The following SGCZ variants were observed in gnomAD, a reference collection of about 807,000 sequenced individuals.
The protein encoded by SGCZ is sarcoglycan zeta, also known as zeta-sarcoglycan.
SGCZ carries 40 observed loss-of-function variants against 41.3 expected under a neutral mutation model. The observed-to-expected ratio is 0.97, with a 90% CI of 0.75 to 1.26. The LOEUF (loss-of-function observed/expected upper bound fraction) is 1.26, where lower values mean the gene tolerates loss of function less well. SGCZ is among the 50% of genes most tolerant of loss of function. The pLI, the probability that SGCZ is intolerant of heterozygous loss-of-function variation, is 0.00. For synonymous variants in SGCZ, 206 were observed against 137.5 expected (o/e 1.50, Z -3.49); for missense variants, 552 against 369.8 (o/e 1.49, Z -4.04).
chr8:14,899,698 G>A (rs1415654960), intron 1 of SGCZ, among the ~76,000 whole-genome samples: 1 of 152,096 alleles, frequency 6.6e-6, no homozygotes, highest in Non-Finnish European at 1.5e-5. Context: ...GACCTCGGGA[G>A]GTTAAATGGG....
chr8:15,067,700 T>C (rs1393655442), intron 1 of SGCZ, among the ~76,000 whole-genome samples: 1 of 152,174 alleles, frequency 6.6e-6, no homozygotes, highest in Non-Finnish European at 1.5e-5. Flanking sequence ...TCTATCTACC[T>C]CAAAACTCAT....
chr8:15,019,605 G>A (rs904693869), intron 1 of SGCZ, among the ~76,000 whole-genome samples: 1 of 151,768 alleles, frequency 6.6e-6, no homozygotes, highest in Admixed American at 6.6e-5. Flanking sequence ...TACATTCTCA[G>A]CTCCTCTGAC....
At chr8:15,211,282 TA>T (rs5889575) in intron 1 of SGCZ, among the ~76,000 whole-genome samples, 65 of 147,548 alleles carry the variant, frequency 4.4e-4, no homozygotes, top group Non-Finnish European at 7.5e-4. Context: ...ACTGGTTGCC[TA>T]AAAAAAAAAA....
chr8:14,412,012 G>C (rs1799373598), intron 2 of SGCZ, among the ~76,000 whole-genome samples: 2 of 152,182 alleles, frequency 1.3e-5, no homozygotes, highest in South Asian at 2.1e-4. Flanking sequence ...GCAAGGGCGT[G>C]CATCTTCTTT....
chr8:14,532,092 G>T (rs567513957), intron 2 of SGCZ, among the ~76,000 whole-genome samples: 45 of 152,060 alleles, frequency 3.0e-4, no homozygotes, highest in Non-Finnish European at 5.7e-4. Context: ...AGTTGTTTTA[G>T]TTAAAGAACT....
At chr8:14,736,873 G>A (rs929159370) in intron 1 of SGCZ, among the ~76,000 whole-genome samples, 12 of 151,816 alleles carry the variant, frequency 7.9e-5, no homozygotes, top group African/African-American at 2.2e-4. Flanking sequence ...TCCCACTACC[G>A]GGTATCTACC....
intron 1 of SGCZ, among the ~76,000 whole-genome samples, chr8:14,894,249 G>A (rs1314946914): frequency 6.6e-6 from 1 of 151,658 alleles, no homozygotes; most frequent in Admixed American, 6.6e-5. Flanking sequence ...ACTGCTTTCC[G>A]AATTAAGTTA....
At chr8:14,827,875 A>G (rs1413071069) in intron 1 of SGCZ, among the ~76,000 whole-genome samples, 1 of 152,002 alleles carries the variant, frequency 6.6e-6, no homozygotes, top group African/African-American at 2.4e-5. Context: ...CACACATATC[A>G]CCCGGTGTAT....
At chr8:14,879,022 G>C (rs1300573278) in intron 1 of SGCZ, 3 of 152,128 alleles carry the variant, frequency 2.0e-5, no homozygotes, top group African/African-American at 7.2e-5. Context: ...ATGGCTCAAA[G>C]TCCTTTAAAA....
intron 3 of SGCZ, among the ~76,000 whole-genome samples, chr8:14,304,931 T>G (rs556486248): frequency 3.4e-4 from 52 of 152,268 alleles, no homozygotes; most frequent in African/African-American, 1.1e-3. Flanking sequence ...TTCAGAGGTG[T>G]GTAGACTTAG....
chr8:14,495,551 A>G (rs1238990782), intron 2 of SGCZ, among the ~76,000 whole-genome samples: 1 of 152,218 alleles, frequency 6.6e-6, no homozygotes, highest in Non-Finnish European at 1.5e-5. Context: ...ATAACTGTAT[A>G]TCAATAGTGT....
At chr8:15,174,666 G>A (rs941335941) in intron 1 of SGCZ, among the ~76,000 whole-genome samples, 9 of 152,106 alleles carry the variant, frequency 5.9e-5, no homozygotes, top group African/African-American at 2.2e-4. Context: ...AACATTAATA[G>A]TGTATAAACG....
chr8:14,475,716 T>G (rs1354097959), intron 2 of SGCZ, among the ~76,000 whole-genome samples: 1 of 152,180 alleles, frequency 6.6e-6, no homozygotes, highest in Non-Finnish European at 1.5e-5. Context: ...TCTGAAGCAA[T>G]TCCAAATTAA....
At chr8:14,511,353 T>A (rs544144262) in intron 2 of SGCZ, among the ~76,000 whole-genome samples, 21 of 152,072 alleles carry the variant, frequency 1.4e-4, no homozygotes, top group African/African-American at 4.8e-4. Flanking sequence ...CTTTTAATTA[T>A]ATTTTCCCAA....
intron 1 of SGCZ, among the ~76,000 whole-genome samples, chr8:15,187,755 T>A (rs898173282): frequency 6.6e-6 from 1 of 152,048 alleles, no homozygotes; most frequent in African/African-American, 2.4e-5. Flanking sequence ...TTTTAAAAAA[T>A]AAGCTCTTCG....
chr8:14,611,346 G>C (rs1452526383), intron 1 of SGCZ, among the ~76,000 whole-genome samples: 1 of 146,892 alleles, frequency 6.8e-6, no homozygotes, highest in East Asian at 2.0e-4. Flanking sequence ...GTGTGTGTGT[G>C]AATGTATGAA....
chr8:14,788,227 T>A (rs909565272), intron 1 of SGCZ, among the ~76,000 whole-genome samples: 22 of 152,136 alleles, frequency 1.4e-4, no homozygotes, highest in Admixed American at 1.3e-4. Flanking sequence ...ATAAAGCACA[T>A]AATGCAGTAA....
chr8:14,392,801 CTT>C (rs1169592995), intron 2 of SGCZ, among the ~76,000 whole-genome samples: 1 of 146,842 alleles, frequency 6.8e-6, no homozygotes, highest in Non-Finnish European at 1.5e-5. Context: ...ATATTTAAGA[CTT>C]TTAACTTGAA....
chr8:14,558,097 C>A (rs185323677), intron 1 of SGCZ, among the ~76,000 whole-genome samples: 85 of 152,168 alleles, frequency 5.6e-4, no homozygotes, highest in Non-Finnish European at 2.5e-4. Context: ...AAAGATACAA[C>A]CTTCCTAGTT....
Sources: allele counts gnomAD v4.1 joint callset (sites outside exome capture counted in the v4.1 genomes callset), GRCh38; gene constraint gnomAD v4.1.1; transcripts MANE v1.5; gene names NCBI Gene and HGNC (gene_info 2026-07-23, HGNC 2026-07-21).